Variants in DYNC1I1 observed in about 807,000 individuals in gnomAD.
DYNC1I1 encodes the protein cytoplasmic dynein 1 intermediate chain 1.
Under a neutral mutation model 86.6 loss-of-function variants are expected in DYNC1I1, and 43 were observed. That is an observed-to-expected ratio of 0.50 (90% confidence interval 0.39 to 0.64). DYNC1I1 has a LOEUF of 0.64. Ranked by LOEUF, DYNC1I1 falls within the 30% of genes least tolerant of loss-of-function variation. The pLI is 0.00. For missense variants in DYNC1I1, 604 were observed against 788.8 expected, an observed-to-expected ratio of 0.77 and a Z score of 2.81; for synonymous variants, 262 against 283.7, an observed-to-expected ratio of 0.92 and a Z score of 0.77.
At chr7:95,885,792 C>A (rs1367582707) in intron 6 of DYNC1I1, among the ~76,000 whole-genome samples, 1 of 152,146 alleles carries the variant, frequency 6.6e-6, no homozygotes, top group African/African-American at 2.4e-5. Flanking sequence ...TGGTCTTGAT[C>A]TTAGCTTCTT....
chr7:95,912,335 C>T (rs1332688439), intron 6 of DYNC1I1, among the ~76,000 whole-genome samples: 1 of 152,152 alleles, frequency 6.6e-6, no homozygotes, highest in Non-Finnish European at 1.5e-5. Context: ...TCATGCCTGG[C>T]CCACTTGAAC....
Position 96,032,679 on chromosome 7 carries a change from T to C in DYNC1I1, c.1129T>C (p.Cys377Arg), listed in dbSNP as rs772928673. ...TATGTTTTTGCAGCATCCCGTGTACTGTGTAAATGTTGTTGGGACCCAGAA... is the reference window on the plus strand; with the variant it reads ...TATGTTTTTGCAGCATCCCGTGTACCGTGTAAATGTTGTTGGGACCCAGAA... Reference protein sequence around the residue: ...SAAAHTHPVYCVNVVGTQNAH... With the variant: ...SAAAHTHPVYRVNVVGTQNAH... Residue 377 changes from cysteine (C) to arginine (R), a missense_variant, in exon 12 of 17, where the codon TGT (cysteine) becomes CGT (arginine). Transcript: ENST00000447467. 1 of 1,613,378 alleles carries C rather than the reference T, an allele frequency of 6.2e-7. No homozygotes were observed. Among genetic ancestry groups the C allele is most frequent in the East Asian group, 2.2e-5 (1 of 44,844 alleles).
rs551193252 is a variant in DYNC1I1, at chr7:95,861,006, A to G, written c.375-8877A>G. On this transcript the variant is annotated intron_variant, in intron 5 of 16. Transcript: ENST00000447467. ...ATTTTGGAGGAGACACATTCACACC[A>G]TAGCAACATCTGTTCCTGGTTTTAT... Among the ~76,000 whole-genome samples, 4 of 152,276 alleles carry G rather than the reference A, an allele frequency of 2.6e-5. No homozygotes were observed. The East Asian group carries it at 5.8e-4, about 22-fold the overall frequency.
intron 1 of DYNC1I1, among the ~76,000 whole-genome samples, chr7:95,775,674 G>C (rs1279670669): frequency 6.6e-6 from 1 of 152,128 alleles, no homozygotes; most frequent in Non-Finnish European, 1.5e-5. Context: ...ATAAATTATG[G>C]CATTGTTTTT....
chr7:95,995,971 T>C lies in DYNC1I1; in HGVS notation c.867T>C (p.Ser289=). 1 of 1,608,222 alleles carries C rather than the reference T, an allele frequency of 6.2e-7. No individual in the cohort carries two copies. The highest frequency in any genetic ancestry group is 8.5e-7 in the Non-Finnish European group (1 of 1,178,162). ...AGTACCCTGAGCTGATGGTGGCTTC[T>C]TACAACAACAATGAAGATGCTCCCC... ...SLQYPELMVA[S]YNNNEDAPHE... The change falls in exon 10 of 17, where the codon TCT becomes TCC. Residue 289 remains serine (S), a synonymous_variant. Transcript: ENST00000447467.
At chr7:96,020,527 G>T (rs542668414) in intron 10 of DYNC1I1, among the ~76,000 whole-genome samples, 1 of 152,078 alleles carries the variant, frequency 6.6e-6, no homozygotes, top group South Asian at 2.1e-4. Flanking sequence ...CCCACAACAC[G>T]TGGAAACTCA....
intron 5 of DYNC1I1, among the ~76,000 whole-genome samples, chr7:95,857,584 GT>G (rs1789759006): frequency 1.3e-5 from 2 of 152,096 alleles, no homozygotes; most frequent in South Asian, 4.1e-4. Context: ...AACATAATGG[GT>G]TTCAATTTGT....
At chr7:95,957,454 C>G (rs1444019970) in intron 6 of DYNC1I1, among the ~76,000 whole-genome samples, 6 of 151,996 alleles carry the variant, frequency 3.9e-5, no homozygotes, top group African/African-American at 1.4e-4. Flanking sequence ...TCCTCCTCCT[C>G]CTGCTGCTGC....
chr7:96,049,882 A>G (rs971010624), intron 14 of DYNC1I1, among the ~76,000 whole-genome samples: 2 of 151,990 alleles, frequency 1.3e-5, no homozygotes, highest in Non-Finnish European at 2.9e-5. Flanking sequence ...CAATACAAAA[A>G]ATTAGCCACG....
chr7:95,978,943 G>T (rs1793382290), intron 7 of DYNC1I1, among the ~76,000 whole-genome samples: 1 of 152,028 alleles, frequency 6.6e-6, no homozygotes, highest in African/African-American at 2.4e-5. Flanking sequence ...TTACAGGTGT[G>T]TGCCACCATG....
intron 5 of DYNC1I1, among the ~76,000 whole-genome samples, chr7:95,830,798 G>C (rs750163128): frequency 2.0e-5 from 3 of 152,036 alleles, no homozygotes; most frequent in Non-Finnish European, 2.9e-5. Context: ...TTTCAAAATG[G>C]TTTTACCATT....
intron 6 of DYNC1I1, among the ~76,000 whole-genome samples, chr7:95,936,734 T>C (rs1792050673): frequency 6.6e-6 from 1 of 151,842 alleles, no homozygotes; most frequent in Admixed American, 6.6e-5. Context: ...AAATCAGACA[T>C]AGCCAGAATA....
intron 6 of DYNC1I1, among the ~76,000 whole-genome samples, chr7:95,930,816 CAG>C (rs902591674): frequency 1.9e-4 from 29 of 152,182 alleles, no homozygotes; most frequent in Non-Finnish European, 1.5e-5. Flanking sequence ...GGAAACATAA[CAG>C]GGTAGCTTGT....
chr7:95,790,510 CT>C (rs745735922), intron 1 of DYNC1I1, among the ~76,000 whole-genome samples: 3 of 152,320 alleles, frequency 2.0e-5, no homozygotes, highest in Middle Eastern at 3.4e-3. Flanking sequence ...TGGAAACTTT[CT>C]TTCACTGCTT....
At chr7:96,082,211 C>G (rs536675929) in intron 16 of DYNC1I1, among the ~76,000 whole-genome samples, 1 of 150,338 alleles carries the variant, frequency 6.7e-6, no homozygotes, top group African/African-American at 2.4e-5. Flanking sequence ...TAAAACTAAA[C>G]AACAATAACA....
intron 4 of DYNC1I1, among the ~76,000 whole-genome samples, chr7:95,819,401 A>G (rs1423699700): frequency 6.6e-6 from 1 of 152,128 alleles, no homozygotes. Flanking sequence ...CTGGGGCCAC[A>G]TGGACATAAT....
intron 10 of DYNC1I1, among the ~76,000 whole-genome samples, chr7:96,010,280 A>G (rs565736793): frequency 6.6e-6 from 1 of 152,302 alleles, no homozygotes; most frequent in Admixed American, 6.5e-5. Flanking sequence ...TAAGGTGGTC[A>G]GTGGAGTGGA....
intron 16 of DYNC1I1, among the ~76,000 whole-genome samples, chr7:96,081,780 A>T (rs1009267170): frequency 2.6e-5 from 4 of 152,200 alleles, no homozygotes; most frequent in African/African-American, 9.7e-5. Flanking sequence ...TTTTGATGAC[A>T]TATTATATAC....
rs145069613 is a variant in DYNC1I1 at position 95,938,813 on chromosome 7, G to A, written c.491-38699G>A. Among the ~76,000 whole-genome samples, 63 of 152,190 alleles carry A rather than the reference G, an allele frequency of 4.1e-4. No homozygotes were observed. The East Asian group carries it at 0.011, about 27-fold the overall frequency. On this transcript the variant is annotated intron_variant, in intron 6 of 16. Coordinates refer to ENST00000447467, the MANE Select transcript of DYNC1I1 (RefSeq NM_001135556.2). ...GCAAGAATTAGCAGTAGCAGAAATA[G>A]TGACACAAGTAAAAATATTAGCAAT...
Sources: gnomAD v4.1 joint callset for allele counts (sites outside exome capture counted in the v4.1 genomes callset) on GRCh38, gnomAD v4.1.1 for gene constraint, MANE v1.5 for transcripts, NCBI Gene and HGNC (gene_info 2026-07-23, HGNC 2026-07-21) for gene names.